The following DCN variants were observed in gnomAD, a reference collection of about 807,000 sequenced individuals.
DCN encodes the protein bone proteoglycan II.
In DCN, 17 loss-of-function variants were observed where a neutral mutation model predicts 36.5. That is an observed-to-expected ratio of 0.47 (90% CI 0.32 to 0.70). DCN has a LOEUF of 0.70. Ranked by LOEUF, DCN falls within the 30% of genes least tolerant of loss-of-function variation. DCN has a pLI of 0.04. For missense variants in DCN, 389 were observed against 430.1 expected (o/e 0.90, Z 0.84); for synonymous variants, 163 against 161.4 (o/e 1.01, Z -0.07).
chr12:91,162,874 A>G (rs971896380), intron 3 of DCN, among the ~76,000 whole-genome samples: 1 of 152,218 alleles, frequency 6.6e-6, no homozygotes, highest in Non-Finnish European at 1.5e-5. Flanking sequence ...GTGACCCTCA[A>G]CACTGAGTTT....
chr12:91,147,178 C>T (rs1881080042), intron 7 of DCN, among the ~76,000 whole-genome samples: 1 of 152,172 alleles, frequency 6.6e-6, no homozygotes, highest in Non-Finnish European at 1.5e-5. Context: ...ACCTCCTTTT[C>T]TCTTACTGTA....
At chr12:91,181,079 TAGAC>T (rs1357027324) in intron 1 of DCN, 3 of 152,104 alleles carry the variant, frequency 2.0e-5, no homozygotes, top group African/African-American at 7.2e-5. Flanking sequence ...AAGCTGAATA[TAGAC>T]AGGCAGCTTA....
intron 3 of DCN, among the ~76,000 whole-genome samples, chr12:91,159,854 T>C (rs954915045): frequency 1.3e-5 from 2 of 152,088 alleles, no homozygotes; most frequent in Non-Finnish European, 2.9e-5. Flanking sequence ...CTTATTAAGG[T>C]CTAATTTTGC....
rs1880726849 is a variant in DCN, at chr12:91,140,601, A to G, written c.*5457T>C. ...TGTACAGTATGATTGCTTAGTTTGG[A>G]CAAAGTCAAGTCATTTCTGTGCTGA... is the stretch of plus-strand genomic sequence containing the variant. On this transcript the variant is annotated 3_prime_UTR_variant, in exon 8 of 8. Coordinates refer to ENST00000052754, the MANE Select transcript of DCN (RefSeq NM_001920.5). The G allele has an allele frequency of 6.6e-6, 1 of 152,156 alleles. No homozygotes were observed. The highest frequency in any genetic ancestry group is 6.5e-5 in the Admixed American group (1 of 15,274). 9.4% of individuals were successfully genotyped at this position (152,156 alleles called of 1,614,324 possible).
rs888621479 is a variant in DCN at position 91,144,353 on chromosome 12, A to G, written c.*1705T>C. The G allele has an allele frequency of 1.3e-5, 2 of 152,344 alleles. No individual in the cohort carries two copies. The highest frequency in any genetic ancestry group is 2.4e-5 in the African/African-American group (1 of 41,580). 9.4% of individuals were successfully genotyped at this position (152,344 alleles called of 1,614,324 possible). On this transcript the variant is annotated 3_prime_UTR_variant, in exon 8 of 8. Transcript: ENST00000052754. ...GTCCAGCTCTGAACAACAACAAAAA[A>G]AGTCCATTTATGGACATGCACCTTG... is the stretch of plus-strand genomic sequence containing the variant.
intron 2 of DCN, chr12:91,175,507 G>C (rs1883236835): frequency 6.6e-6 from 1 of 151,982 alleles, no homozygotes; most frequent in African/African-American, 2.4e-5. Context: ...TTAAAATTTT[G>C]ATGTTGTTTA....
intron 7 of DCN, among the ~76,000 whole-genome samples, chr12:91,149,166 T>C (rs1049479990): frequency 1.3e-5 from 2 of 152,102 alleles, no homozygotes; most frequent in Non-Finnish European, 2.9e-5. Flanking sequence ...ATCAAATACC[T>C]CTTATGAATA....
chr12:91,180,152 C>T (rs554762600), intron 1 of DCN: 1 of 151,920 alleles, frequency 6.6e-6, no homozygotes, highest in South Asian at 2.1e-4. Context: ...ATATTTAGTC[C>T]CATCATAGCA....
At chr12:91,173,882 A>T (rs1401379078) in intron 2 of DCN, among the ~76,000 whole-genome samples, 1 of 152,192 alleles carries the variant, frequency 6.6e-6, no homozygotes, top group Admixed American at 6.5e-5. Context: ...CTTCTGACAA[A>T]ATTTTTCACC....
intron 7 of DCN, chr12:91,151,404 AT>A (rs1291469587): frequency 1.3e-5 from 6 of 455,190 alleles, no homozygotes; most frequent in African/African-American, 1.2e-4. Flanking sequence ...ACTGAAAAAA[AT>A]ATCAGCATTA....
chr12:91,181,044 C>T (rs1430623161), intron 1 of DCN: 1 of 152,030 alleles, frequency 6.6e-6, no homozygotes, highest in African/African-American at 2.4e-5. Context: ...GGTACAAATT[C>T]TCCAAACAAT....
In DCN at chr12:91,142,443, T is replaced by C. The variant is rs752311005; in HGVS notation, c.*3615A>G. On this transcript the variant is annotated 3_prime_UTR_variant, in exon 8 of 8. Coordinates refer to ENST00000052754, the MANE Select transcript of DCN (RefSeq NM_001920.5). ...CCTGCAGCTGCCTCTGCAATAAAAT[T>C]GTGGAATAAACCAGTTTCTTGGAAA... 1 of 152,158 alleles carries C rather than the reference T, an allele frequency of 6.6e-6. No individual in the cohort carries two copies. Among genetic ancestry groups the C allele is most frequent in the Non-Finnish European group, 1.5e-5 (1 of 68,010 alleles). The allele number at this position is 152,158 out of a possible 1,614,324, so 9.4% of individuals were successfully genotyped here.
At position 91,144,199 on chromosome 12, in the gene DCN, G is replaced by A. The variant is rs535078314; in HGVS notation, c.*1859C>T. ...TTGAAGGCTACAACATGAAGGGTGC[G>A]TCACTCAAGGCTACACCATAAAGGG... On this transcript the variant is annotated 3_prime_UTR_variant, in exon 8 of 8. Transcript: ENST00000052754. The A allele has an allele frequency of 2.2e-4, 34 of 152,126 alleles. No homozygotes were observed. Among genetic ancestry groups the A allele is most frequent in the African/African-American group, 7.5e-4 (31 of 41,500 alleles). The allele number at this position is 152,126 out of a possible 1,614,324, so 9.4% of individuals were successfully genotyped here.
intron 5 of DCN, among the ~76,000 whole-genome samples, chr12:91,156,664 T>C (rs755971573): frequency 2.0e-5 from 3 of 151,538 alleles, no homozygotes; most frequent in East Asian, 1.9e-4. Context: ...AAGATAAAAA[T>C]TGGATCAATT....
At chr12:91,160,999 C>T (rs1565780311) in intron 3 of DCN, among the ~76,000 whole-genome samples, 4 of 152,116 alleles carry the variant, frequency 2.6e-5, no homozygotes, top group African/African-American at 7.2e-5. Flanking sequence ...ATTTTCATTT[C>T]TCTCCTTCCT....
intron 5 of DCN, among the ~76,000 whole-genome samples, chr12:91,154,613 A>G (rs1881641925): frequency 6.6e-6 from 1 of 152,138 alleles, no homozygotes; most frequent in Non-Finnish European, 1.5e-5. Context: ...AGATAGACAA[A>G]TTTGTAAAGT....
chr12:91,153,534 G>C (rs1881572045), intron 5 of DCN, among the ~76,000 whole-genome samples: 1 of 152,006 alleles, frequency 6.6e-6, no homozygotes, highest in Non-Finnish European at 1.5e-5. Context: ...GTTGATAAAA[G>C]ATAGTAATTA....
At position 91,141,229 on chromosome 12, in the gene DCN, T is replaced by C. The variant is rs1195059143; in HGVS notation, c.*4829A>G. The C allele has an allele frequency of 6.6e-6, 1 of 152,234 alleles. No homozygotes were observed. The highest frequency in any genetic ancestry group is 6.5e-5 in the Admixed American group (1 of 15,280). 9.4% of individuals were successfully genotyped at this position (152,234 alleles called of 1,614,324 possible). A position where few individuals can be genotyped will look rare whatever the true frequency, so the allele number is the denominator to read the frequency against. On this transcript the variant is annotated 3_prime_UTR_variant, in exon 8 of 8. Coordinates refer to ENST00000052754, the MANE Select transcript of DCN (RefSeq NM_001920.5). ...GCCTAAAAAGTCCTACAGGATGCGA[T>C]TGTCATTACCTTTCTGACCTTGTAT... is the stretch of plus-strand genomic sequence containing the variant.
At chr12:91,152,581 T>C (rs146140420) in intron 6 of DCN, among the ~76,000 whole-genome samples, 33 of 152,176 alleles carry the variant, frequency 2.2e-4, no homozygotes, top group African/African-American at 7.5e-4. Context: ...CAACAAAAGC[T>C]TTTCTTTTGT....
Sources: gnomAD v4.1 joint callset for allele counts (sites outside exome capture counted in the v4.1 genomes callset) on GRCh38, gnomAD v4.1.1 for gene constraint, MANE v1.5 for transcripts, NCBI Gene and HGNC (gene_info 2026-07-23, HGNC 2026-07-21) for gene names.